The following SDCCAG8 variants were observed in gnomAD, a reference collection of about 807,000 sequenced individuals.
SDCCAG8 encodes the protein SHH signaling and ciliogenesis regulator SDCCAG8.
In SDCCAG8, 74 loss-of-function variants were observed where a neutral mutation model predicts 101.8. The observed-to-expected ratio is 0.73, with a 90% CI of 0.60 to 0.88. SDCCAG8 has a LOEUF of 0.88. Among genes scored for constraint, SDCCAG8 ranks in the 40% least tolerant of loss-of-function variants. SDCCAG8 has a pLI of 0.00. For missense variants in SDCCAG8, 787 were observed against 822.6 expected (o/e 0.96, Z 0.53); for synonymous variants, 281 against 292.9 (o/e 0.96, Z 0.41).
At position 243,344,309 on chromosome 1, in the gene SDCCAG8, G is replaced by C; in HGVS notation, c.1451G>C (p.Arg484Thr). The C allele has an allele frequency of 6.2e-7, 1 of 1,613,118 alleles. No individual in the cohort carries two copies. The highest frequency in any genetic ancestry group is 8.5e-7 in the Non-Finnish European group (1 of 1,179,202). The change falls in exon 12 of 18, where the codon AGG becomes ACG. Residue 484 changes from arginine to threonine, a missense_variant. Transcript: ENST00000366541. ...AGAGAGTTCAGAGCAAAAACTAACAGGGATCTTGAAATTAAAGATCAGGTA... is the reference window on the plus strand; with the variant it reads ...AGAGAGTTCAGAGCAAAAACTAACACGGATCTTGAAATTAAAGATCAGGTA... ...EHREFRAKTN[R>T]DLEIKDQEIE... is the part of the protein sequence containing the mutation.
chr1:243,466,140 G>A (rs1418797009), intron 16 of SDCCAG8, among the ~76,000 whole-genome samples: 1 of 152,154 alleles, frequency 6.6e-6, no homozygotes, highest in African/African-American at 2.4e-5. Flanking sequence ...TCATTTTGGG[G>A]GCCCCAGTTA....
intron 5 of SDCCAG8, among the ~76,000 whole-genome samples, chr1:243,292,550 A>T (rs944591356): frequency 2.0e-5 from 3 of 152,192 alleles, no homozygotes; most frequent in Non-Finnish European, 4.4e-5. Context: ...GCTGCCACTT[A>T]TTAGCCACTT....
chr1:243,277,000 A>G (rs1196747430), intron 4 of SDCCAG8, among the ~76,000 whole-genome samples: 1 of 152,166 alleles, frequency 6.6e-6, no homozygotes, highest in Non-Finnish European at 1.5e-5. Flanking sequence ...TTTATTATTA[A>G]GTAGTATTCA....
chr1:243,295,450 C>A (rs1426685997), intron 6 of SDCCAG8, among the ~76,000 whole-genome samples: 1 of 152,008 alleles, frequency 6.6e-6, no homozygotes, highest in African/African-American at 2.4e-5. Context: ...GTTGGCCAGG[C>A]TGGTCTCAAA....
At chr1:243,452,914 G>T (rs1384941475) in intron 16 of SDCCAG8, among the ~76,000 whole-genome samples, 2 of 152,222 alleles carry the variant, frequency 1.3e-5, no homozygotes, top group African/African-American at 4.8e-5. Flanking sequence ...GAAGAACTGA[G>T]TGACTCTTCT....
intron 12 of SDCCAG8, among the ~76,000 whole-genome samples, chr1:243,375,986 C>A (rs2077575691): frequency 6.6e-6 from 1 of 152,112 alleles, no homozygotes; most frequent in African/African-American, 2.4e-5. Context: ...CAGAAGCAGG[C>A]AGTAATTTTC....
At chr1:243,472,785 A>G (rs1270444427) in intron 16 of SDCCAG8, among the ~76,000 whole-genome samples, 2 of 152,216 alleles carry the variant, frequency 1.3e-5, no homozygotes, top group Non-Finnish European at 2.9e-5. Context: ...AGTGTCTTCA[A>G]ACTGTTATTA....
intron 17 of SDCCAG8, among the ~76,000 whole-genome samples, chr1:243,492,628 G>C: frequency 3.8e-5 from 1 of 26,548 alleles, no homozygotes; most frequent in East Asian, 1.2e-3. Context: ...TTTTTTTTTT[G>C]ATGAGTTTTG....
chr1:243,322,718 A>G (rs1178363242), intron 9 of SDCCAG8, among the ~76,000 whole-genome samples: 1 of 152,060 alleles, frequency 6.6e-6, no homozygotes, highest in Non-Finnish European at 1.5e-5. Context: ...CTTTATTCTT[A>G]TCTTTCCAGC....
intron 16 of SDCCAG8, among the ~76,000 whole-genome samples, chr1:243,451,376 A>G (rs1471435997): frequency 1.3e-5 from 2 of 152,176 alleles, no homozygotes; most frequent in Non-Finnish European, 2.9e-5. Context: ...TCTCCCCTCC[A>G]TAATCCTTTC....
At chr1:243,297,685 A>G (rs1002708187) in intron 6 of SDCCAG8, among the ~76,000 whole-genome samples, 6 of 152,150 alleles carry the variant, frequency 3.9e-5, no homozygotes, top group African/African-American at 7.2e-5. Context: ...CCTAACTACT[A>G]GTGTGATTGA....
chr1:243,307,944 A>G (rs929285436), intron 7 of SDCCAG8, 45 bp from the exon 8 acceptor site: 9 of 1,608,612 alleles, frequency 5.6e-6, no homozygotes, highest in Admixed American at 1.7e-5. Flanking sequence ...AAAGTCATGT[A>G]ATTTTACCTG....
At chr1:243,468,244 A>T (rs1660537620) in intron 16 of SDCCAG8, among the ~76,000 whole-genome samples, 1 of 147,432 alleles carries the variant, frequency 6.8e-6, no homozygotes, top group African/African-American at 2.5e-5. Flanking sequence ...TTTGAGACGG[A>T]GTCAGCTGTG....
chr1:243,270,140 G>A lies in SDCCAG8; in HGVS notation c.103G>A (p.Ala35Thr), dbSNP rs781638035. The A allele has an allele frequency of 5.0e-6, 8 of 1,614,156 alleles. No individual in the cohort carries two copies. Among genetic ancestry groups the A allele is most frequent in the Middle Eastern group, 1.6e-4 (1 of 6,062 alleles). ...CAGAAGCATTCACCAACTGACATGT[G>A]CCCTGAAAGAAGGCGATGTCACTAT... is the stretch of plus-strand genomic sequence containing the variant. ...ASRSIHQLTCALKEGDVTIGE... is the reference protein window; with the variant it reads ...ASRSIHQLTCTLKEGDVTIGE... Residue 35 changes from alanine to threonine, a missense_variant, in exon 2 of 18, where the codon GCC becomes ACC. Physicochemically the swap from Ala to Thr is moderately conservative, Grantham distance 58 (BLOSUM62 0). Coordinates refer to ENST00000366541, the MANE Select transcript of SDCCAG8 (RefSeq NM_006642.5).
At chr1:243,493,531 C>T (rs553130545) in intron 17 of SDCCAG8, among the ~76,000 whole-genome samples, 15 of 152,062 alleles carry the variant, frequency 9.9e-5, no homozygotes, top group African/African-American at 3.4e-4. Context: ...TTCTGGTAGC[C>T]GTCGTATCCT....
intron 13 of SDCCAG8, among the ~76,000 whole-genome samples, chr1:243,401,604 T>A (rs2079401105): frequency 6.6e-6 from 1 of 152,240 alleles, no homozygotes; most frequent in Admixed American, 6.5e-5. Context: ...GTGACCCAGG[T>A]ACATAACTGA....
intron 16 of SDCCAG8, among the ~76,000 whole-genome samples, chr1:243,439,102 A>G (rs1265147222): frequency 2.6e-5 from 4 of 152,130 alleles, no homozygotes; most frequent in Non-Finnish European, 5.9e-5. Flanking sequence ...AATGGAAAAC[A>G]ATGTGTGATA....
At chr1:243,444,148 A>G (rs2082733109) in intron 16 of SDCCAG8, among the ~76,000 whole-genome samples, 1 of 152,174 alleles carries the variant, frequency 6.6e-6, no homozygotes, top group Non-Finnish European at 1.5e-5. Flanking sequence ...TTTTTGTGGC[A>G]CAGAAGGTAA....
At chr1:243,386,821 C>T (rs1298835266) in intron 13 of SDCCAG8, among the ~76,000 whole-genome samples, 1 of 152,008 alleles carries the variant, frequency 6.6e-6, no homozygotes, top group Non-Finnish European at 1.5e-5. Flanking sequence ...GTTAGCTGCT[C>T]CCTTATGCAT....
Sources: gnomAD v4.1 joint callset for allele counts (sites outside exome capture counted in the v4.1 genomes callset) on GRCh38, gnomAD v4.1.1 for gene constraint, MANE v1.5 for transcripts, NCBI Gene and HGNC (gene_info 2026-07-23, HGNC 2026-07-21) for gene names.